CNOT1: variants seen among roughly 807,000 people sequenced by gnomAD.
CNOT1 encodes the protein CCR4-associated factor 1.
Under a neutral mutation model 273.8 loss-of-function variants are expected in CNOT1, and 15 were observed. The observed-to-expected ratio is 0.05, with a 90% CI of 0.04 to 0.08. The LOEUF is 0.08. Among genes scored for constraint, CNOT1 ranks in the 10% least tolerant of loss-of-function variants. The pLI is 1.00. For missense variants in CNOT1, 1,644 were observed against 2,912.2 expected, an observed-to-expected ratio of 0.56 and a Z score of 10.02; for synonymous variants, 1,022 against 1,005.5, an observed-to-expected ratio of 1.02 and a Z score of -0.31.
intron 14 of CNOT1, 132 bp from the exon 15 acceptor site, chr16:58,575,261 T>C (rs1284595588): frequency 9.8e-6 from 13 of 1,323,386 alleles, no homozygotes; most frequent in Non-Finnish European, 1.3e-5. Context: ...GGTCACAATT[T>C]AAACAGCTAA....
At chr16:58,535,597 A>C (rs1437144080) in intron 39 of CNOT1, among the ~76,000 whole-genome samples, 1 of 152,240 alleles carries the variant, frequency 6.6e-6, no homozygotes, top group Non-Finnish European at 1.5e-5. Flanking sequence ...CAAATTATAA[A>C]TCAGACTATA....
chr16:58,610,787 G>C (rs992185177), intron 1 of CNOT1, among the ~76,000 whole-genome samples: 2 of 152,018 alleles, frequency 1.3e-5, no homozygotes, highest in Admixed American at 1.3e-4. Flanking sequence ...AGCTTGCAGT[G>C]AGCCGAGGTC....
At chr16:58,600,173 C>T (rs1040908545) in intron 1 of CNOT1, among the ~76,000 whole-genome samples, 2 of 151,758 alleles carry the variant, frequency 1.3e-5, no homozygotes, top group Non-Finnish European at 2.9e-5. Flanking sequence ...GGTGAAACCC[C>T]GTCTCTACTC....
intron 16 of CNOT1, among the ~76,000 whole-genome samples, chr16:58,574,265 C>T (rs2041386147): frequency 1.3e-5 from 2 of 151,844 alleles, no homozygotes; most frequent in South Asian, 4.2e-4. Context: ...GACAGCAAGA[C>T]CTTGCCACTT....
intron 16 of CNOT1, among the ~76,000 whole-genome samples, chr16:58,563,400 A>G (rs1461692609): frequency 6.6e-6 from 1 of 152,200 alleles, no homozygotes; most frequent in Non-Finnish European, 1.5e-5. Context: ...AGTATACTCT[A>G]TAATGCTCAC....
chr16:58,534,203 C>T lies in CNOT1; in HGVS notation c.5839G>A (p.Val1947Met). The T allele has an allele frequency of 1.9e-6, 3 of 1,614,184 alleles. No individual in the cohort carries two copies. The highest frequency in any genetic ancestry group is 8.5e-7 in the Non-Finnish European group (1 of 1,180,022). The change falls in exon 40 of 49, where the codon GTG becomes ATG. Residue 1947 changes from valine (V) to methionine (M), a missense_variant. Physicochemically the swap from Val to Met is conservative, Grantham distance 21. Transcript: ENST00000317147. ...DAFVRLIALL[V>M]KHSGEATNTV... The stretch of plus-strand genomic sequence containing the variant: ...TTGGTGGCCTCCCCTGAGTGTTTCA[C>T]GAGCAGTGCAATGAGTCGAACAAAG...
chr16:58,538,750 C>T (rs1249437468), intron 36 of CNOT1, 22 bp downstream of exon 36: 1 of 1,609,968 alleles, frequency 6.2e-7, no homozygotes, highest in Non-Finnish European at 8.5e-7. Flanking sequence ...ATACTCACTA[C>T]TTTTCGAAGA....
At position 58,599,370 on chromosome 16, in the gene CNOT1, C is replaced by T; in HGVS notation, c.-33G>A. On this transcript the variant is annotated 5_prime_UTR_variant, in exon 2 of 49. Coordinates refer to ENST00000317147, the MANE Select transcript of CNOT1 (RefSeq NM_016284.5). ...TGGGGCGGAAGCAGGCGGCCGAGCC[C>T]GGCGCAAAATCACCATTATTCCCCT... 10 of 1,613,786 alleles carry T rather than the reference C, an allele frequency of 6.2e-6. No homozygotes were observed. Among genetic ancestry groups the T allele is most frequent in the East Asian group, 2.2e-5 (1 of 44,878 alleles).
Position 58,534,185 on chromosome 16 carries a change from C to A in CNOT1, c.5857G>T (p.Ala1953Ser). Residue 1953 changes from alanine to serine, a missense_variant, in exon 40 of 49, where the codon GCC (alanine) becomes TCC (serine). Around this residue, in one of 13 missense-constraint regions of CNOT1, gnomAD observed 133 missense variants for 328.2 expected, o/e 0.41. Transcript: ENST00000317147. ...TTAATCTTTGTGACAGTGTTGGTGGCCTCCCCTGAGTGTTTCACGAGCAGT... is the reference window on the plus strand; with the variant it reads ...TTAATCTTTGTGACAGTGTTGGTGGACTCCCCTGAGTGTTTCACGAGCAGT... ...IALLVKHSGE[A>S]TNTVTKINLL... is the part of the protein sequence containing the mutation. 8.1e-6 allele frequency: 13 copies of A among 1,614,214 alleles called. No homozygotes were observed. The highest frequency in any genetic ancestry group is 1.1e-5 in the Non-Finnish European group (13 of 1,180,034).
At chr16:58,554,117 C>T (rs1044747080) in intron 21 of CNOT1, among the ~76,000 whole-genome samples, 3 of 151,954 alleles carry the variant, frequency 2.0e-5, no homozygotes, top group Admixed American at 1.3e-4. Flanking sequence ...TAAAACGAGC[C>T]ACTTCTCTGG....
intron 1 of CNOT1, among the ~76,000 whole-genome samples, chr16:58,600,798 A>G (rs1234774140): frequency 6.6e-6 from 1 of 152,226 alleles, no homozygotes; most frequent in Non-Finnish European, 1.5e-5. Context: ...TATTCTGTAT[A>G]GAAAAGACAA....
At chr16:58,593,547 G>C (rs1229596208) in intron 2 of CNOT1, among the ~76,000 whole-genome samples, 2 of 143,946 alleles carry the variant, frequency 1.4e-5, no homozygotes, top group African/African-American at 5.3e-5. Context: ...TGGGCAACAA[G>C]AGCGAAACTC....
At position 58,543,375 on chromosome 16, in the gene CNOT1, C is replaced by G; in HGVS notation, c.4434+232G>C. 3 of 1,541,140 alleles carry G rather than the reference C, an allele frequency of 1.9e-6. No homozygotes were observed. The African/African-American group carries it at 4.2e-5, about 21-fold the overall frequency. On this transcript the variant is annotated intron_variant, in intron 31 of 48. Coordinates refer to ENST00000317147, the MANE Select transcript of CNOT1 (RefSeq NM_016284.5). ...TTTAAACCAACAAATATTTGGGTAT[C>G]TACTATCTGTCAAACATCGTGTTGA...
At chr16:58,563,101 G>T (rs765145478) in intron 16 of CNOT1, among the ~76,000 whole-genome samples, 1 of 152,046 alleles carries the variant, frequency 6.6e-6, no homozygotes, top group Non-Finnish European at 1.5e-5. Context: ...AAATAAACGC[G>T]TTGTTTTATG....
At chr16:58,533,767 G>A (rs1449862382) in intron 40 of CNOT1, among the ~76,000 whole-genome samples, 2 of 152,188 alleles carry the variant, frequency 1.3e-5, no homozygotes, top group Non-Finnish European at 2.9e-5. Flanking sequence ...GGAGTTTGCA[G>A]TAAGCCGAGA....
chr16:58,553,123 T>A (rs2040510140), intron 22 of CNOT1, among the ~76,000 whole-genome samples: 1 of 151,904 alleles, frequency 6.6e-6, no homozygotes, highest in African/African-American at 2.4e-5. Flanking sequence ...AATACAAAAA[T>A]TAGCCAGGCA....
At chr16:58,622,452 T>C (rs2043384514) in intron 1 of CNOT1, among the ~76,000 whole-genome samples, 1 of 149,046 alleles carries the variant, frequency 6.7e-6, no homozygotes, top group African/African-American at 2.5e-5. Context: ...CCAAAACTGC[T>C]CTAAAAAATA....
At chr16:58,612,124 T>C (rs980929413) in intron 1 of CNOT1, among the ~76,000 whole-genome samples, 1 of 152,124 alleles carries the variant, frequency 6.6e-6, no homozygotes, top group Non-Finnish European at 1.5e-5. Flanking sequence ...ATGTGCCACA[T>C]GCCAGGCTGC....
At chr16:58,601,366 G>C (rs536421576) in intron 1 of CNOT1, among the ~76,000 whole-genome samples, 1 of 152,224 alleles carries the variant, frequency 6.6e-6, no homozygotes, top group African/African-American at 2.4e-5. Flanking sequence ...CAAAGTGCTG[G>C]GATTACAGGC....
Sources: gnomAD v4.1 joint callset for allele counts (sites outside exome capture counted in the v4.1 genomes callset) on GRCh38, gnomAD v4.1.1 for gene constraint, gnomAD v4.1.1 regional missense constraint, MANE v1.5 for transcripts, NCBI Gene and HGNC (gene_info 2026-07-23, HGNC 2026-07-21) for gene names.